STXBP5L: variants seen among roughly 807,000 people sequenced by gnomAD.
STXBP5L encodes syntaxin binding protein 5L.
A neutral mutation model predicts 144.5 loss-of-function variants in STXBP5L; 65 were observed. The ratio of observed to expected loss-of-function variants is 0.45; its 90% CI spans 0.37 to 0.55. The LOEUF (loss-of-function observed/expected upper bound fraction) is 0.55. Ranked by LOEUF, STXBP5L falls within the 20% of genes least tolerant of loss-of-function variation. The pLI, the probability that STXBP5L is intolerant of heterozygous loss-of-function variation, is 0.00. For synonymous variants in STXBP5L, 505 were observed against 469.6 expected (o/e 1.08, Z -0.97); for missense variants, 1,298 against 1,405.5 (o/e 0.92, Z 1.22).
At chr3:121,306,855 G>T (rs773616714) in intron 19 of STXBP5L, among the ~76,000 whole-genome samples, 4 of 152,030 alleles carry the variant, frequency 2.6e-5, no homozygotes, top group Non-Finnish European at 5.9e-5. Context: ...ATGTCCCAGG[G>T]TACTGTCAAA....
intron 18 of STXBP5L, among the ~76,000 whole-genome samples, chr3:121,263,175 C>G (rs983118873): frequency 2.0e-5 from 3 of 152,202 alleles, no homozygotes; most frequent in Non-Finnish European, 4.4e-5. Flanking sequence ...CCCAGGCAAA[C>G]AGGTTCTGGA....
At chr3:121,089,376 A>G (rs1190394099) in intron 5 of STXBP5L, among the ~76,000 whole-genome samples, 1 of 151,662 alleles carries the variant, frequency 6.6e-6, no homozygotes, top group African/African-American at 2.4e-5. Context: ...ATAGAATTCT[A>G]GGTTGGTAGT....
intron 5 of STXBP5L, among the ~76,000 whole-genome samples, chr3:121,094,582 C>G (rs1411172213): frequency 6.6e-6 from 1 of 152,014 alleles, no homozygotes; most frequent in Admixed American, 6.6e-5. Flanking sequence ...TTATCAGAGA[C>G]TAGGATTGCA....
chr3:121,270,630 T>C (rs2050707817), intron 18 of STXBP5L, among the ~76,000 whole-genome samples: 1 of 152,092 alleles, frequency 6.6e-6, no homozygotes, highest in South Asian at 2.1e-4. Context: ...TTTTTGTATT[T>C]TTAGTAGAGA....
rs115527808 is a variant in STXBP5L, at chr3:121,126,882, C to G, written c.669+5178C>G. Among the ~76,000 whole-genome samples, 467 of 152,276 alleles carry G rather than the reference C, an allele frequency of 3.1e-3. 4 individuals are homozygous for G. The highest frequency in any genetic ancestry group is 0.011 in the African/African-American group (438 of 41,564). On this transcript the variant is annotated intron_variant, in intron 7 of 26. Transcript: ENST00000471454. ...CTGCAAAATTCCTTGGCTTGCAGCC[C>G]CTTTGTCTATCTTCAAATCCAACAG...
chr3:121,181,986 A>T (rs2047175321), intron 9 of STXBP5L, among the ~76,000 whole-genome samples: 1 of 152,114 alleles, frequency 6.6e-6, no homozygotes, highest in African/African-American at 2.4e-5. Flanking sequence ...AATCCTAAAT[A>T]TATATGTACC....
At chr3:120,989,324 A>T (rs1942606578) in intron 3 of STXBP5L, among the ~76,000 whole-genome samples, 1 of 152,220 alleles carries the variant, frequency 6.6e-6, no homozygotes, top group Non-Finnish European at 1.5e-5. Flanking sequence ...AATAATAGCC[A>T]TTCTGACTGG....
At chr3:121,026,457 G>T (rs1362765058) in intron 3 of STXBP5L, among the ~76,000 whole-genome samples, 1 of 151,908 alleles carries the variant, frequency 6.6e-6, no homozygotes, top group Non-Finnish European at 1.5e-5. Context: ...TTATTTGTTT[G>T]CTGTTGCTTC....
intron 7 of STXBP5L, among the ~76,000 whole-genome samples, chr3:121,134,891 C>T (rs199669202): frequency 1.3e-5 from 2 of 152,104 alleles, no homozygotes; most frequent in Non-Finnish European, 1.5e-5. Context: ...TTTATAGCAG[C>T]ATGATTTATA....
intron 5 of STXBP5L, among the ~76,000 whole-genome samples, chr3:121,079,311 T>G (rs2042157152): frequency 6.6e-6 from 1 of 152,236 alleles, no homozygotes; most frequent in Non-Finnish European, 1.5e-5. Flanking sequence ...TCTTACATCT[T>G]GAGAGAAACA....
chr3:121,360,017 T>G (rs1385833604), intron 20 of STXBP5L, among the ~76,000 whole-genome samples: 1 of 145,788 alleles, frequency 6.9e-6, no homozygotes, highest in Non-Finnish European at 1.5e-5. Context: ...TATAATATAA[T>G]ATATATATTA....
intron 5 of STXBP5L, among the ~76,000 whole-genome samples, chr3:121,054,701 G>T (rs958401817): frequency 2.0e-5 from 3 of 151,754 alleles, no homozygotes; most frequent in Admixed American, 6.6e-5. Flanking sequence ...TAACAAACCT[G>T]CACATTGTGC....
chr3:121,129,832 G>A (rs1037815347), intron 7 of STXBP5L, among the ~76,000 whole-genome samples: 1 of 151,920 alleles, frequency 6.6e-6, no homozygotes, highest in South Asian at 2.1e-4. Context: ...TAAGATTCAT[G>A]TTTCAGAGGA....
chr3:121,374,360 A>C (rs772208021), intron 20 of STXBP5L, among the ~76,000 whole-genome samples: 4 of 152,220 alleles, frequency 2.6e-5, no homozygotes, highest in Non-Finnish European at 4.4e-5. Context: ...CAGTTATACC[A>C]GCTGTGGAAA....
rs1006460321 is a variant in STXBP5L at position 121,036,143 on chromosome 3, G to A, written c.288-5557G>A. On this transcript the variant is annotated intron_variant, in intron 3 of 26. Transcript: ENST00000471454. The stretch of plus-strand genomic sequence containing the variant: ...AGGTCAGGAGTTTGAGACCAGCCTA[G>A]CCAACATGGTGAAATCCCATCTCTA... 3.3e-5 allele frequency among the ~76,000 whole-genome samples: 5 copies of A among 152,202 alleles called. No individual in the cohort carries two copies. In the East Asian group the frequency reaches 9.7e-4, roughly 29 times the overall value.
At chr3:121,012,008 T>C (rs1944810164) in intron 3 of STXBP5L, among the ~76,000 whole-genome samples, 1 of 151,898 alleles carries the variant, frequency 6.6e-6, no homozygotes, top group Non-Finnish European at 1.5e-5. Flanking sequence ...CTACTATGGA[T>C]CTATTTTCTG....
chr3:121,374,600 G>C (rs1234406422), intron 20 of STXBP5L, among the ~76,000 whole-genome samples: 1 of 152,078 alleles, frequency 6.6e-6, no homozygotes, highest in African/African-American at 2.4e-5. Context: ...ATTCAACAAA[G>C]AGATAGATAT....
chr3:121,355,865 G>C (rs1270563148), intron 20 of STXBP5L, among the ~76,000 whole-genome samples: 1 of 152,124 alleles, frequency 6.6e-6, no homozygotes, highest in African/African-American at 2.4e-5. Context: ...CCTACAGATG[G>C]GGTTTTGGTG....
chr3:121,152,456 G>C (rs764360372), intron 7 of STXBP5L, 21 bp from the exon 8 acceptor site: 1 of 1,527,502 alleles, frequency 6.5e-7, no homozygotes, highest in South Asian at 1.2e-5. Context: ...TTAAGAAAAT[G>C]ATTGTTCTAA....
Sources: gnomAD v4.1 joint callset for allele counts (sites outside exome capture counted in the v4.1 genomes callset) on GRCh38, gnomAD v4.1.1 for gene constraint, MANE v1.5 for transcripts, NCBI Gene and HGNC (gene_info 2026-07-23, HGNC 2026-07-21) for gene names.